The following KCND2 variants were observed in gnomAD, a reference collection of about 807,000 sequenced individuals.
The protein encoded by KCND2 is A-type voltage-gated potassium channel KCND2.
KCND2 carries 16 observed loss-of-function variants against 54.4 expected under a neutral mutation model. The observed-to-expected ratio is 0.29, with a 90% CI of 0.20 to 0.45. KCND2 has a LOEUF of 0.45. Ranked by LOEUF, KCND2 falls within the 20% of genes least tolerant of loss-of-function variation. The pLI is 1.00. For synonymous variants in KCND2, 317 were observed against 310.7 expected, an observed-to-expected ratio of 1.02 and a Z score of -0.21; for missense variants, 486 against 824.2, an observed-to-expected ratio of 0.59 and a Z score of 5.02.
chr7:120,431,001 G>A (rs1352932928), intron 1 of KCND2, among the ~76,000 whole-genome samples: 2 of 152,120 alleles, frequency 1.3e-5, no homozygotes, highest in African/African-American at 4.8e-5. Flanking sequence ...ATAACCTTAA[G>A]CTCTTTGGGT....
intron 1 of KCND2, among the ~76,000 whole-genome samples, chr7:120,512,801 CTTTT>C (rs796237031): frequency 7.3e-6 from 1 of 137,418 alleles, no homozygotes; most frequent in Non-Finnish European, 1.6e-5. Context: ...TTTCTTTTTT[CTTTT>C]TTTTTTTTTT....
chr7:120,677,542 G>GATATAGATATATAGATATATAGAT (rs1240850643), intron 1 of KCND2, among the ~76,000 whole-genome samples: 13 of 139,710 alleles, frequency 9.3e-5, no homozygotes, highest in East Asian at 2.0e-4. Flanking sequence ...TATAGATATA[G>GATATAGATATATAGATATATAGAT]ATATAGATAT....
At chr7:120,537,869 A>G (rs542246273) in intron 1 of KCND2, among the ~76,000 whole-genome samples, 2 of 152,214 alleles carry the variant, frequency 1.3e-5, no homozygotes, top group East Asian at 1.9e-4. Context: ...GGCTGGTTTG[A>G]TCTCTTATCC....
chr7:120,582,597 C>A (rs1792531136), intron 1 of KCND2, among the ~76,000 whole-genome samples: 1 of 152,032 alleles, frequency 6.6e-6, no homozygotes, highest in African/African-American at 2.4e-5. Flanking sequence ...CTCTGACTAC[C>A]CCTCCTCTGC....
intron 4 of KCND2, 150 bp downstream of exon 4, chr7:120,742,752 G>A: frequency 2.9e-6 from 2 of 688,388 alleles, no homozygotes; most frequent in South Asian, 3.1e-5. Context: ...CACAATATTT[G>A]AAATTACTTT....
At chr7:120,722,299 C>T (rs1290855280) in intron 1 of KCND2, among the ~76,000 whole-genome samples, 1 of 152,104 alleles carries the variant, frequency 6.6e-6, no homozygotes, top group Non-Finnish European at 1.5e-5. Context: ...CCAGGCCTTT[C>T]TGAGTGAGAA....
Position 120,479,976 on chromosome 7 carries a change from A to G in KCND2, c.1115+204229A>G, listed in dbSNP as rs185933694. Among the ~76,000 whole-genome samples, 1,345 of 149,996 alleles carry G rather than the reference A, an allele frequency of 9.0e-3. 57 individuals are homozygous for G. Among genetic ancestry groups the G allele is most frequent in the Admixed American group, 0.068 (1,022 of 14,928 alleles). On this transcript the variant is annotated intron_variant, in intron 1 of 5. Transcript: ENST00000331113. ...AGTAAGACTGTCAAAAAAAAAAAAA[A>G]AAAGAAAGAAAGAAGTATGAGCTTA...
chr7:120,740,334 T>A (rs1269218353), intron 2 of KCND2, among the ~76,000 whole-genome samples: 2 of 152,036 alleles, frequency 1.3e-5, no homozygotes, highest in African/African-American at 4.8e-5. Context: ...ATCTAGATAA[T>A]TTTAAAATTT....
At chr7:120,595,797 G>A (rs1457688952) in intron 1 of KCND2, among the ~76,000 whole-genome samples, 1 of 151,584 alleles carries the variant, frequency 6.6e-6, no homozygotes, top group African/African-American at 2.4e-5. Flanking sequence ...TACACTGTGA[G>A]TTCCTCAAAA....
intron 1 of KCND2, among the ~76,000 whole-genome samples, chr7:120,651,852 G>C (rs889146095): frequency 3.3e-5 from 5 of 152,080 alleles, no homozygotes; most frequent in Non-Finnish European, 4.4e-5. Context: ...ATTTATTTAA[G>C]TTGGCCTGAA....
chr7:120,595,993 A>G (rs1236427167), intron 1 of KCND2, among the ~76,000 whole-genome samples: 1 of 152,050 alleles, frequency 6.6e-6, no homozygotes, highest in Non-Finnish European at 1.5e-5. Flanking sequence ...TGACTTCATT[A>G]ATGTTGACCT....
At chr7:120,586,543 T>A (rs1250027404) in intron 1 of KCND2, among the ~76,000 whole-genome samples, 1 of 152,176 alleles carries the variant, frequency 6.6e-6, no homozygotes, top group Non-Finnish European at 1.5e-5. Context: ...AATGAAGGAT[T>A]TTTGTCACTT....
At chr7:120,729,791 A>T (rs1792782571) in intron 1 of KCND2, among the ~76,000 whole-genome samples, 1 of 152,228 alleles carries the variant, frequency 6.6e-6, no homozygotes, top group Non-Finnish European at 1.5e-5. Context: ...ATGTTGGATT[A>T]TAAAACAAAG....
chr7:120,277,813 C>T (rs1799200662), intron 1 of KCND2, among the ~76,000 whole-genome samples: 2 of 151,840 alleles, frequency 1.3e-5, no homozygotes, highest in Admixed American at 1.3e-4. Context: ...TAAAAGCACC[C>T]ATTTTTGAAA....
At chr7:120,576,874 C>T (rs542876735) in intron 1 of KCND2, among the ~76,000 whole-genome samples, 205 of 152,114 alleles carry the variant, frequency 1.3e-3, no homozygotes, top group Non-Finnish European at 2.5e-3. Flanking sequence ...AGGCTGGGCG[C>T]GGTGGCTCAC....
chr7:120,706,973 C>A (rs939257620), intron 1 of KCND2, among the ~76,000 whole-genome samples: 2 of 152,042 alleles, frequency 1.3e-5, no homozygotes, highest in African/African-American at 4.8e-5. Flanking sequence ...AGTTGAGGTA[C>A]AAAACACAAG....
At chr7:120,649,807 C>T (rs1052058004) in intron 1 of KCND2, among the ~76,000 whole-genome samples, 7 of 152,242 alleles carry the variant, frequency 4.6e-5, no homozygotes, top group South Asian at 2.1e-4. Context: ...GTAGGGCAGG[C>T]CTGGTGGTGA....
At chr7:120,433,518 C>A (rs1801822922) in intron 1 of KCND2, among the ~76,000 whole-genome samples, 1 of 152,182 alleles carries the variant, frequency 6.6e-6, no homozygotes. Flanking sequence ...AGACACATCT[C>A]ACTGCATTTT....
In KCND2 at chr7:120,417,762, G is replaced by A. The variant is rs541985425; in HGVS notation, c.1115+142015G>A. Among the ~76,000 whole-genome samples the A allele has an allele frequency of 2.7e-4, 41 of 152,222 alleles. 1 individual carries two copies. In the South Asian group the frequency reaches 7.9e-3, roughly 29 times the overall value. On this transcript the variant is annotated intron_variant, in intron 1 of 5. Coordinates refer to ENST00000331113, the MANE Select transcript of KCND2 (RefSeq NM_012281.3). ...TCATTATGGGAAGCAGAGTGGAAACGCACCATTTTATCCTTTAATTTACAG... is the reference window on the plus strand; with the variant it reads ...TCATTATGGGAAGCAGAGTGGAAACACACCATTTTATCCTTTAATTTACAG...
Sources: allele counts gnomAD v4.1 joint callset (sites outside exome capture counted in the v4.1 genomes callset), GRCh38; gene constraint gnomAD v4.1.1; transcripts MANE v1.5; gene names NCBI Gene and HGNC (gene_info 2026-07-23, HGNC 2026-07-21).